Variants in PALLD observed in about 807,000 individuals in gnomAD.
The protein encoded by PALLD is palladin, cytoskeletal associated protein.
Under a neutral mutation model 123.5 loss-of-function variants are expected in PALLD, and 61 were observed. That is an observed-to-expected ratio of 0.49 (90% CI 0.40 to 0.61). The LOEUF is 0.61. Among genes scored for constraint, PALLD ranks in the 20% least tolerant of loss-of-function variants. The pLI is 0.00. For synonymous variants in PALLD, 465 were observed against 496.4 expected (o/e 0.94, Z 0.84); for missense variants, 1,273 against 1,377.0 (o/e 0.92, Z 1.20).
At position 168,628,850 on chromosome 4, in the gene PALLD, CTG is replaced by C. The variant is rs199942004; in HGVS notation, c.909-39336_909-39335del. 9.9e-3 allele frequency among the ~76,000 whole-genome samples: 1,514 copies of C among 152,280 alleles called. 12 individuals are homozygous for C. The highest frequency in any genetic ancestry group is 0.024 in the Middle Eastern group (7 of 294). ...GAAAGTTTTGTCAGCTTGTCCCCTG[CTG>C]TGTTACCAACATACACAATAGTCTG... is the stretch of plus-strand genomic sequence containing the variant. On this transcript the variant is annotated intron_variant, in intron 2 of 21. Coordinates refer to ENST00000505667, the MANE Select transcript of PALLD (RefSeq NM_001166108.2).
chr4:168,861,700 G>A (rs185807297), intron 10 of PALLD, among the ~76,000 whole-genome samples: 11 of 151,738 alleles, frequency 7.2e-5, no homozygotes, highest in African/African-American at 1.7e-4. Flanking sequence ...ATGGGGTCTC[G>A]CTCTGTCCCC....
chr4:168,923,094 T>A (rs994659587), intron 18 of PALLD, among the ~76,000 whole-genome samples: 2 of 152,222 alleles, frequency 1.3e-5, no homozygotes, highest in African/African-American at 2.4e-5. Context: ...TGCTGCAAAG[T>A]GGTAGATGTT....
chr4:168,688,514 C>A (rs1473789692), intron 6 of PALLD, among the ~76,000 whole-genome samples: 2 of 152,110 alleles, frequency 1.3e-5, no homozygotes, highest in African/African-American at 2.4e-5. Flanking sequence ...CTGAAACCCC[C>A]AGGGCCCCCA....
intron 10 of PALLD, among the ~76,000 whole-genome samples, chr4:168,779,834 T>C (rs6553097): frequency 0.98 from 148,409 of 152,138 alleles, 72,398 homozygotes; most frequent in East Asian, 1. Context: ...CTTCAAATTC[T>C]TTCTACTGTT....
At chr4:168,629,538 A>G (rs187000157) in intron 2 of PALLD, among the ~76,000 whole-genome samples, 15 of 152,274 alleles carry the variant, frequency 9.9e-5, no homozygotes, top group Non-Finnish European at 1.6e-4. Context: ...AACAAAAGAA[A>G]AATAAAAGCT....
chr4:168,551,032 T>A (rs1452139453), intron 2 of PALLD, among the ~76,000 whole-genome samples: 2 of 152,232 alleles, frequency 1.3e-5, no homozygotes, highest in Non-Finnish European at 2.9e-5. Context: ...AAGTTTAGAG[T>A]TATCTATGCA....
At chr4:168,840,789 T>A (rs1295485071) in intron 10 of PALLD, among the ~76,000 whole-genome samples, 3 of 152,192 alleles carry the variant, frequency 2.0e-5, no homozygotes, top group Non-Finnish European at 4.4e-5. Flanking sequence ...CCAGGACATT[T>A]GCTGCTGTTT....
chr4:168,679,360 GTA>G (rs1781282165), intron 3 of PALLD, among the ~76,000 whole-genome samples: 1 of 120,214 alleles, frequency 8.3e-6, no homozygotes, highest in Non-Finnish European at 1.7e-5. Flanking sequence ...GGTGGGGTGA[GTA>G]TGGATGTGTG....
chr4:168,521,348 T>A (rs984702264), intron 2 of PALLD, among the ~76,000 whole-genome samples: 10 of 152,214 alleles, frequency 6.6e-5, no homozygotes, highest in Admixed American at 2.0e-4. Flanking sequence ...GTTAGGTCAC[T>A]GTGGCAAGTT....
At chr4:168,618,687 C>T (rs1231613317) in intron 2 of PALLD, among the ~76,000 whole-genome samples, 1 of 152,160 alleles carries the variant, frequency 6.6e-6, no homozygotes, top group Non-Finnish European at 1.5e-5. Flanking sequence ...GTACTTAGTC[C>T]ATCATAGTCT....
chr4:168,566,432 G>C (rs1580345664), intron 2 of PALLD, among the ~76,000 whole-genome samples: 1 of 152,156 alleles, frequency 6.6e-6, no homozygotes, highest in South Asian at 2.1e-4. Flanking sequence ...TAAGTAGCTG[G>C]AGCTACAGGC....
intron 10 of PALLD, among the ~76,000 whole-genome samples, chr4:168,826,890 T>C (rs779794921): frequency 5.9e-5 from 9 of 152,222 alleles, no homozygotes; most frequent in Non-Finnish European, 1.2e-4. Context: ...CCAAAGGCCA[T>C]GCTCTTTTCA....
At chr4:168,708,915 T>C in intron 8 of PALLD, 113 bp from the exon 9 acceptor site, 1 of 927,202 alleles carries the variant, frequency 1.1e-6, no homozygotes, top group South Asian at 1.4e-5. Flanking sequence ...GTAAAGTGAA[T>C]CTGTAATAAT....
intron 10 of PALLD, among the ~76,000 whole-genome samples, chr4:168,791,178 G>A (rs910483804): frequency 6.6e-6 from 1 of 152,120 alleles, no homozygotes; most frequent in Admixed American, 6.5e-5. Context: ...TCTCTCCTCT[G>A]CACAGTGACC....
At chr4:168,795,065 C>A (rs1738290368) in intron 10 of PALLD, among the ~76,000 whole-genome samples, 1 of 152,122 alleles carries the variant, frequency 6.6e-6, no homozygotes, top group South Asian at 2.1e-4. Flanking sequence ...GGACCGGGAG[C>A]TCTGGGGCTA....
intron 15 of PALLD, among the ~76,000 whole-genome samples, chr4:168,911,750 C>T (rs935325178): frequency 6.6e-6 from 1 of 152,186 alleles, no homozygotes; most frequent in African/African-American, 2.4e-5. Flanking sequence ...GCCTGTGCTT[C>T]AGGTACAGTT....
At chr4:168,903,666 C>A in intron 14 of PALLD, 91 bp from the exon 15 acceptor site, 1 of 1,053,508 alleles carries the variant, frequency 9.5e-7, no homozygotes. Context: ...CTCAGATCAG[C>A]TCTGCAAACC....
intron 2 of PALLD, chr4:168,530,550 TC>T (rs1764509587): frequency 6.6e-6 from 1 of 152,248 alleles, no homozygotes; most frequent in Non-Finnish European, 1.5e-5. Flanking sequence ...GTCTTCCATA[TC>T]TTTTCTCACC....
chr4:168,793,963 G>A (rs1232052606), intron 10 of PALLD, among the ~76,000 whole-genome samples: 1 of 152,176 alleles, frequency 6.6e-6, no homozygotes, highest in East Asian at 1.9e-4. Flanking sequence ...GGAAGGCCAC[G>A]TTCTGCCTAG....
Sources: allele counts gnomAD v4.1 joint callset (sites outside exome capture counted in the v4.1 genomes callset), GRCh38; gene constraint gnomAD v4.1.1; transcripts MANE v1.5; gene names NCBI Gene and HGNC (gene_info 2026-07-23, HGNC 2026-07-21).